C9: variants seen among roughly 807,000 people sequenced by gnomAD.
C9 encodes complement C9, also known as complement component C9.
Under a neutral mutation model 65.4 loss-of-function variants are expected in C9, and 63 were observed. The observed-to-expected ratio is 0.96, with a 90% CI of 0.79 to 1.19. C9 has a LOEUF of 1.19. C9 is among the 50% of genes most tolerant of loss of function. The probability of loss-of-function intolerance (pLI) is 0.00; values close to 1 mark genes in which losing one functional copy is unlikely to be tolerated. For synonymous variants in C9, 229 were observed against 227.9 expected, an observed-to-expected ratio of 1.00 and a Z score of -0.04; for missense variants, 744 against 670.1, an observed-to-expected ratio of 1.11 and a Z score of -1.22.
chr5:39,333,605 TCCC>T (rs1415662514), intron 4 of C9, among the ~76,000 whole-genome samples: 4 of 75,920 alleles, frequency 5.3e-5, no homozygotes, highest in Non-Finnish European at 1.4e-4. Context: ...CGTCTCCCTC[TCCC>T]CTTTCCATGG....
chr5:39,308,724 G>A (rs1753424024), intron 7 of C9, among the ~76,000 whole-genome samples: 3 of 152,166 alleles, frequency 2.0e-5, no homozygotes, highest in African/African-American at 4.8e-5. Flanking sequence ...AGCATTTTGT[G>A]TGCTTTAACT....
chr5:39,361,793 G>A (rs531441940), intron 1 of C9, among the ~76,000 whole-genome samples: 1 of 151,964 alleles, frequency 6.6e-6, no homozygotes, highest in African/African-American at 2.4e-5. Flanking sequence ...ATTAATCTTT[G>A]TAAAAAAATA....
At chr5:39,326,828 T>C (rs924591989) in intron 5 of C9, among the ~76,000 whole-genome samples, 1 of 152,224 alleles carries the variant, frequency 6.6e-6, no homozygotes, top group Non-Finnish European at 1.5e-5. Context: ...GGAATGTGTA[T>C]TAAGCCTCTG....
At chr5:39,298,039 A>G (rs1441922801) in intron 9 of C9, among the ~76,000 whole-genome samples, 1 of 151,694 alleles carries the variant, frequency 6.6e-6, no homozygotes, top group Non-Finnish European at 1.5e-5. Flanking sequence ...ATCCCCAAAT[A>G]TTTACCCCAT....
chr5:39,354,675 A>G (rs964195648), intron 1 of C9, among the ~76,000 whole-genome samples: 1 of 152,222 alleles, frequency 6.6e-6, no homozygotes. Context: ...AATGTCCCCA[A>G]GCTCACTGAT....
chr5:39,298,364 G>T (rs1290140152), intron 9 of C9, among the ~76,000 whole-genome samples: 1 of 151,384 alleles, frequency 6.6e-6, no homozygotes, highest in East Asian at 1.9e-4. Context: ...TTTTAAAGCT[G>T]CTTTTTTGAG....
At chr5:39,341,970 C>A in intron 2 of C9, 121 bp downstream of exon 2, 1 of 745,962 alleles carries the variant, frequency 1.3e-6, no homozygotes. Flanking sequence ...AAATGTTTAT[C>A]TCTCTTTCTG....
chr5:39,345,911 T>C (rs1025784990), intron 1 of C9, among the ~76,000 whole-genome samples: 3 of 152,218 alleles, frequency 2.0e-5, no homozygotes, highest in Non-Finnish European at 4.4e-5. Context: ...AACCTGCTTC[T>C]GAATGACTAC....
Position 39,291,453 on chromosome 5 carries a change from A to T in C9, c.1417-2502T>A, listed in dbSNP as rs182701649. 5.4e-3 allele frequency among the ~76,000 whole-genome samples: 822 copies of T among 152,008 alleles called. 7 individuals are homozygous for T. The highest frequency in any genetic ancestry group is 0.018 in the African/African-American group (747 of 41,524). On this transcript the variant is annotated intron_variant, in intron 9 of 10. Coordinates refer to ENST00000263408, the MANE Select transcript of C9 (RefSeq NM_001737.5). ...AAGTGATAGTGTGGGAAGGGAAAAG[A>T]TCCATATATTTTGAGCCCCAGAAGG...
At chr5:39,342,257 C>A in intron 1 of C9, 61 bp from the exon 2 acceptor site, 1 of 890,918 alleles carries the variant, frequency 1.1e-6, no homozygotes, top group African/African-American at 1.6e-5. Flanking sequence ...TCCAAGAAGT[C>A]TTCATAAACA....
intron 1 of C9, among the ~76,000 whole-genome samples, chr5:39,358,909 C>T (rs998350439): frequency 4.0e-5 from 6 of 150,918 alleles, no homozygotes; most frequent in Admixed American, 6.6e-5. Context: ...GGCGTGAACC[C>T]GGGAGGCGGA....
At chr5:39,306,885 T>C in intron 8 of C9, 93 bp from the exon 9 acceptor site, 1 of 843,918 alleles carries the variant, frequency 1.2e-6, no homozygotes, top group Non-Finnish European at 2.0e-6. Flanking sequence ...TATTGAGTCC[T>C]TTTAGTAAAA....
At chr5:39,331,308 C>T (rs912121992) in intron 5 of C9, among the ~76,000 whole-genome samples, 2 of 152,094 alleles carry the variant, frequency 1.3e-5, no homozygotes, top group African/African-American at 2.4e-5. Context: ...GGAAAACCAA[C>T]GCAAAGATGA....
chr5:39,299,480 T>C (rs901879423), intron 9 of C9, among the ~76,000 whole-genome samples: 1 of 152,142 alleles, frequency 6.6e-6, no homozygotes, highest in Non-Finnish European at 1.5e-5. Context: ...ATCATGGAAC[T>C]ACATATAATG....
intron 4 of C9, among the ~76,000 whole-genome samples, chr5:39,332,095 G>A (rs960785424): frequency 2.0e-5 from 3 of 152,182 alleles, no homozygotes; most frequent in Non-Finnish European, 2.9e-5. Context: ...GGACCATCTG[G>A]TTCCTGGAGT....
intron 5 of C9, among the ~76,000 whole-genome samples, chr5:39,324,165 A>C (rs986337542): frequency 1.1e-4 from 16 of 152,240 alleles, no homozygotes; most frequent in Admixed American, 2.0e-4. Flanking sequence ...GAAATGGAAA[A>C]TATACAAATC....
At position 39,341,563 on chromosome 5, in the gene C9, G is replaced by T; in HGVS notation, c.321C>A (p.Cys107Ter). The T allele has an allele frequency of 6.2e-7, 1 of 1,613,812 alleles. No homozygotes were observed. Among genetic ancestry groups the T allele is most frequent in the South Asian group, 1.1e-5 (1 of 91,072 alleles). ...TTCAAGCACAAAGATTACCTGTACT[G>T]CATTGAAAGTCATTTCCGCAGTCAT... ...AEDDCGNDFQCSTGRCIKMRL... is the reference protein window; with the variant it reads ...AEDDCGNDFQ Residue 107 changes from cysteine to a stop codon, truncating the protein, a stop_gained, in exon 3 of 11, where the codon TGC (cysteine) becomes TGA (stop). Transcript: ENST00000263408. LOFTEE classifies it high-confidence loss of function.
rs192252142 is a variant in C9 at position 39,331,615 on chromosome 5, C to A, written c.615+61G>T. The A allele has an allele frequency of 5.5e-5, 80 of 1,463,346 alleles. No individual in the cohort carries two copies. In the Middle Eastern group the frequency reaches 6.9e-4, roughly 13 times the overall value. The allele number at this position is 1,463,346 out of a possible 1,614,324, so 90.6% of individuals were successfully genotyped here. A position where few individuals can be genotyped will look rare whatever the true frequency, so the allele number is the denominator to read the frequency against. On this transcript the variant is annotated intron_variant, in intron 5 of 10. Coordinates refer to ENST00000263408, the MANE Select transcript of C9 (RefSeq NM_001737.5). ...GTTTTTCACATTGTTTGGTACTAAA[C>A]TTATTTAAGCAATTTTTCAGCCAAA...
At chr5:39,343,543 G>A (rs2111958604) in intron 1 of C9, among the ~76,000 whole-genome samples, 1 of 152,314 alleles carries the variant, frequency 6.6e-6, no homozygotes. Flanking sequence ...GAACTGGGTG[G>A]AGCCCACCAC....
Sources: allele counts gnomAD v4.1 joint callset (sites outside exome capture counted in the v4.1 genomes callset), GRCh38; gene constraint gnomAD v4.1.1; transcripts MANE v1.5; gene names NCBI Gene and HGNC (gene_info 2026-07-23, HGNC 2026-07-21).